CASK: variants seen among roughly 807,000 people sequenced by gnomAD.
The protein encoded by CASK is calcium/calmodulin dependent serine protein kinase, also known as peripheral plasma membrane protein CASK.
A neutral mutation model predicts 82.9 loss-of-function variants in CASK; 4 were observed. That is an observed-to-expected ratio of 0.05 (90% CI 0.02 to 0.11). The LOEUF is 0.11. Among genes scored for constraint, CASK ranks in the 10% least tolerant of loss-of-function variants. The probability of loss-of-function intolerance (pLI) is 1.00; values close to 1 mark genes in which losing one functional copy is unlikely to be tolerated. For synonymous variants in CASK, 259 were observed against 253.5 expected (o/e 1.02, Z -0.20); for missense variants, 358 against 720.9 (o/e 0.50, Z 5.76).
intron 5 of CASK, chrX:41,727,280 C>T: frequency 1.7e-6 from 2 of 1,208,630 alleles, no homozygotes; most frequent in East Asian, 3.0e-5. Context: ...GAATATCAAT[C>T]TGCTCAATGC....
chrX:41,922,807 A>C (rs1228287354), intron 1 of CASK, 123 bp downstream of exon 1: 14 of 597,541 alleles, frequency 2.3e-5, no homozygotes, highest in Non-Finnish European at 3.1e-5. Context: ...CAGGATGAGA[A>C]GGACGAGAGG....
intron 3 of CASK, among the ~76,000 whole-genome samples, chrX:41,756,683 T>C (rs2068901954): frequency 8.9e-6 from 1 of 112,462 alleles, no homozygotes. Flanking sequence ...CTTATATGCA[T>C]TAACTCATTC....
At chrX:41,857,913 A>G (rs761376212) in intron 1 of CASK, among the ~76,000 whole-genome samples, 5 of 111,936 alleles carry the variant, frequency 4.5e-5, no homozygotes, top group African/African-American at 6.5e-5. Context: ...GGATCTCTCA[A>G]TGCCAACGCT....
At chrX:41,672,405 A>G in intron 5 of CASK, among the ~76,000 whole-genome samples, 1 of 111,211 alleles carries the variant, frequency 9.0e-6, no homozygotes, top group East Asian at 2.8e-4. Context: ...CTGCTTAAAC[A>G]CTGTCCTCCC....
intron 16 of CASK, among the ~76,000 whole-genome samples, chrX:41,567,310 A>C (rs2065333388): frequency 8.9e-6 from 1 of 112,119 alleles, no homozygotes; most frequent in Admixed American, 9.5e-5. Context: ...CAACCTACAG[A>C]ATGGGAGAGA....
At chrX:41,767,533 AG>A (rs1471512175) in intron 3 of CASK, among the ~76,000 whole-genome samples, 3 of 112,068 alleles carry the variant, frequency 2.7e-5, no homozygotes, top group Non-Finnish European at 5.6e-5. Flanking sequence ...GGACTTCATC[AG>A]TTTGTCAACT....
At chrX:41,752,538 G>A (rs2068816223) in intron 3 of CASK, among the ~76,000 whole-genome samples, 1 of 111,314 alleles carries the variant, frequency 9.0e-6, no homozygotes, top group Admixed American at 9.6e-5. Context: ...GATCCCCTCT[G>A]CCTCGGCCTC....
At chrX:41,621,631 C>A (rs5917437) in intron 11 of CASK, among the ~76,000 whole-genome samples, 1 of 111,891 alleles carries the variant, frequency 8.9e-6, no homozygotes, top group Non-Finnish European at 1.9e-5. Flanking sequence ...GCCCAGATTC[C>A]TGACCCACAG....
chrX:41,892,045 T>G (rs2072179123), intron 1 of CASK, among the ~76,000 whole-genome samples: 1 of 109,100 alleles, frequency 9.2e-6, no homozygotes, highest in African/African-American at 3.3e-5. Context: ...AACAAAAAAT[T>G]AGCTGGGTCT....
chrX:41,903,182 G>C (rs747801911), intron 1 of CASK, among the ~76,000 whole-genome samples: 5 of 112,306 alleles, frequency 4.5e-5, no homozygotes, highest in Non-Finnish European at 9.4e-5. Flanking sequence ...TAAAACTGTG[G>C]TATCAGATAG....
At chrX:41,850,701 G>T (rs1053644622) in intron 2 of CASK, among the ~76,000 whole-genome samples, 12 of 111,438 alleles carry the variant, frequency 1.1e-4, no homozygotes, top group Admixed American at 1.9e-4. Flanking sequence ...AGCCATGAAT[G>T]AGGTCATTTT....
intron 8 of CASK, 127 bp downstream of exon 8, chrX:41,660,311 GA>G: frequency 5.3e-6 from 3 of 568,975 alleles, no homozygotes; most frequent in Non-Finnish European, 6.0e-6. Context: ...CAAACAAGAT[GA>G]AAAAAACTAA....
At chrX:41,775,438 GA>G (rs1333150692) in intron 3 of CASK, among the ~76,000 whole-genome samples, 4 of 106,628 alleles carry the variant, frequency 3.8e-5, no homozygotes, top group Non-Finnish European at 5.9e-5. Flanking sequence ...CTGTTGGTAG[GA>G]CTGTAAACTA....
intron 1 of CASK, among the ~76,000 whole-genome samples, chrX:41,916,370 T>C (rs1490158688): frequency 8.9e-6 from 1 of 111,856 alleles, no homozygotes; most frequent in Admixed American, 9.5e-5. Flanking sequence ...TGACTTGGGC[T>C]CTACAACCAA....
At chrX:41,747,732 C>T (rs1208241361) in intron 3 of CASK, among the ~76,000 whole-genome samples, 4 of 112,677 alleles carry the variant, frequency 3.5e-5, no homozygotes, top group Non-Finnish European at 5.6e-5. Context: ...TGAGCCACTG[C>T]GCCCGGCCTA....
chrX:41,555,844 A>G (rs1183719187), intron 19 of CASK: 3 of 372,495 alleles, frequency 8.1e-6, no homozygotes, highest in Non-Finnish European at 9.4e-6. Context: ...AAAGCAGGTA[A>G]GTTTAAGCAG....
intron 14 of CASK, among the ~76,000 whole-genome samples, chrX:41,579,072 T>C (rs2065526282): frequency 8.9e-6 from 1 of 112,052 alleles, no homozygotes; most frequent in African/African-American, 3.2e-5. Flanking sequence ...TAAATAGAGT[T>C]GGCAAATTTG....
At chrX:41,642,010 C>A (rs1407692241) in intron 8 of CASK, among the ~76,000 whole-genome samples, 1 of 107,306 alleles carries the variant, frequency 9.3e-6, no homozygotes, top group African/African-American at 3.4e-5. Context: ...GTTTTCTGTC[C>A]TTCTGATAGT....
chrX:41,806,760 T>C (rs1364639175), intron 2 of CASK, among the ~76,000 whole-genome samples: 1 of 112,119 alleles, frequency 8.9e-6, no homozygotes, highest in East Asian at 2.8e-4. Flanking sequence ...TGCCACCTTT[T>C]ATCCAAGGAA....
Sources: gnomAD v4.1 joint callset for allele counts (sites outside exome capture counted in the v4.1 genomes callset) on GRCh38, gnomAD v4.1.1 for gene constraint, MANE v1.5 for transcripts, NCBI Gene and HGNC (gene_info 2026-07-23, HGNC 2026-07-21) for gene names.